MSH4: variants seen among roughly 807,000 people sequenced by gnomAD.
MSH4 encodes the protein mutS homolog 4, also known as mutS protein homolog 4.
Under a neutral mutation model 113.7 loss-of-function variants are expected in MSH4, and 106 were observed. The observed-to-expected ratio is 0.93, with a 90% CI of 0.80 to 1.10. The LOEUF (loss-of-function observed/expected upper bound fraction) is 1.10. Ranked by LOEUF, MSH4 falls within the 50% of genes least tolerant of loss-of-function variation. The pLI is 0.00. For synonymous variants in MSH4, 368 were observed against 380.2 expected (o/e 0.97, Z 0.37); for missense variants, 1,061 against 1,093.7 (o/e 0.97, Z 0.42).
At chr1:75,909,827 T>A (rs1652749866) in intron 19 of MSH4, among the ~76,000 whole-genome samples, 1 of 152,146 alleles carries the variant, frequency 6.6e-6, no homozygotes, top group African/African-American at 2.4e-5. Context: ...TTTGAGGTCA[T>A]CTTGATGAGT....
At chr1:75,838,689 G>C (rs1256416374) in intron 7 of MSH4, among the ~76,000 whole-genome samples, 1 of 152,062 alleles carries the variant, frequency 6.6e-6, no homozygotes, top group Non-Finnish European at 1.5e-5. Flanking sequence ...TAGTCTAAAT[G>C]AACTTCTTTA....
chr1:75,866,914 A>G (rs1483107759), intron 8 of MSH4, among the ~76,000 whole-genome samples: 1 of 152,208 alleles, frequency 6.6e-6, no homozygotes, highest in Non-Finnish European at 1.5e-5. Flanking sequence ...AAATTAGTCC[A>G]GGCACAGGAT....
intron 7 of MSH4, among the ~76,000 whole-genome samples, chr1:75,834,888 G>A (rs982356212): frequency 3.3e-5 from 5 of 152,146 alleles, no homozygotes; most frequent in Admixed American, 1.3e-4. Context: ...AAACCTGCAC[G>A]TTGTGCACAT....
At chr1:75,834,092 A>G (rs1200066485) in intron 7 of MSH4, among the ~76,000 whole-genome samples, 1 of 152,160 alleles carries the variant, frequency 6.6e-6, no homozygotes, top group African/African-American at 2.4e-5. Flanking sequence ...TACAAGAAAA[A>G]ATCAACCCCA....
intron 8 of MSH4, among the ~76,000 whole-genome samples, chr1:75,863,849 G>C (rs1651511279): frequency 6.6e-6 from 1 of 151,948 alleles, no homozygotes; most frequent in Admixed American, 6.6e-5. Context: ...TTTTCTTAAA[G>C]TAATGAGAAA....
intron 6 of MSH4, among the ~76,000 whole-genome samples, chr1:75,816,778 C>T (rs1557493957): frequency 6.6e-6 from 1 of 152,038 alleles, no homozygotes; most frequent in Non-Finnish European, 1.5e-5. Flanking sequence ...AGGCATGTGC[C>T]ACCATGCCTA....
rs765059092 is a variant in MSH4 at position 75,817,826 on chromosome 1, AC to A, written c.989+1287del. ...AAAAAATGTACATGTGATGGGAGACACCCCCCCTCCCCCTAGCCAGTTGATA... is the reference window on the plus strand; with the variant it reads ...AAAAAATGTACATGTGATGGGAGACACCCCCCTCCCCCTAGCCAGTTGATA... On this transcript the variant is annotated intron_variant, in intron 6 of 19. Transcript: ENST00000263187. Among the ~76,000 whole-genome samples the A allele has an allele frequency of 2.1e-3, 314 of 151,342 alleles. 1 individual carries two copies. Among genetic ancestry groups the A allele is most frequent in the Non-Finnish European group, 3.5e-3 (238 of 67,804 alleles).
chr1:75,883,469 G>A (rs567416854), intron 14 of MSH4, 152 bp from the exon 15 acceptor site: 1 of 588,140 alleles, frequency 1.7e-6, no homozygotes, highest in African/African-American at 1.9e-5. Context: ...GAAGAATTTG[G>A]GTGGGGATTT....
chr1:75,857,669 C>T (rs769317726), intron 8 of MSH4, among the ~76,000 whole-genome samples: 107 of 152,258 alleles, frequency 7.0e-4, no homozygotes, highest in Admixed American at 1.5e-3. Context: ...GTACCAGTAC[C>T]ATGCTGTTTT....
chr1:75,871,370 C>T (rs898954793), intron 9 of MSH4, among the ~76,000 whole-genome samples: 2 of 152,114 alleles, frequency 1.3e-5, no homozygotes, highest in Non-Finnish European at 2.9e-5. Context: ...CTGTATCAGA[C>T]AGACAAAATA....
intron 19 of MSH4, among the ~76,000 whole-genome samples, chr1:75,902,421 G>A (rs1251340216): frequency 1.3e-5 from 2 of 151,372 alleles, no homozygotes; most frequent in African/African-American, 4.9e-5. Context: ...TGTACCCATT[G>A]TTTAGCTCTC....
At chr1:75,847,933 G>C (rs1651108813) in intron 7 of MSH4, among the ~76,000 whole-genome samples, 1 of 152,138 alleles carries the variant, frequency 6.6e-6, no homozygotes, top group Non-Finnish European at 1.5e-5. Flanking sequence ...TAGGAATTAA[G>C]GTTTCAACAT....
intron 19 of MSH4, among the ~76,000 whole-genome samples, chr1:75,902,113 C>G (rs1557531887): frequency 1.3e-5 from 2 of 152,188 alleles, no homozygotes; most frequent in African/African-American, 2.4e-5. Context: ...TCCAGTGGAG[C>G]AATGTACTCA....
At chr1:75,810,668 T>A in intron 3 of MSH4, 29 bp from the exon 4 acceptor site, 1 of 1,055,418 alleles carries the variant, frequency 9.5e-7, no homozygotes, top group Non-Finnish European at 1.4e-6. Context: ...AAGCTTTATT[T>A]AAGAAATTGT....
In MSH4 at chr1:75,902,719, A is replaced by AC. The variant is rs1227609862; in HGVS notation, c.2619+3013_2619+3014insC. Among the ~76,000 whole-genome samples, 10 of 30,858 alleles carry AC rather than the reference A, an allele frequency of 3.2e-4. 2 individuals are homozygous for AC. The highest frequency in any genetic ancestry group is 1.4e-3 in the African/African-American group (10 of 7,088). The allele number at this position is 30,858 out of a possible 152,430, so 20.2% of individuals were successfully genotyped here. A position where few individuals can be genotyped will look rare whatever the true frequency, so the allele number is the denominator to read the frequency against. ...TATATATATATATATATATATATAT[A>AC]TATATATATATATATAGTTCTTTTA... On this transcript the variant is annotated intron_variant, in intron 19 of 19. Transcript: ENST00000263187.
At chr1:75,812,396 T>C (rs531654939) in intron 4 of MSH4, among the ~76,000 whole-genome samples, 1 of 152,124 alleles carries the variant, frequency 6.6e-6, no homozygotes, top group African/African-American at 2.4e-5. Flanking sequence ...TGAAAAATTA[T>C]TATAACAAAA....
rs915783177 is a variant in MSH4, at chr1:75,912,967, A to G, written c.*80A>G. On this transcript the variant is annotated 3_prime_UTR_variant, in exon 20 of 20. Transcript: ENST00000263187. ...TCTCCTTAGAGATAAGGAAAATAAC[A>G]TTTGCCAAATTTCATATTTTAATTG... 3 of 814,742 alleles carry G rather than the reference A, an allele frequency of 3.7e-6. No individual in the cohort carries two copies. The African/African-American group carries it at 5.4e-5, about 15-fold the overall frequency. 50.5% of individuals were successfully genotyped at this position (814,742 alleles called of 1,614,324 possible).
intron 8 of MSH4, among the ~76,000 whole-genome samples, chr1:75,859,832 C>G (rs1651412437): frequency 6.6e-6 from 1 of 152,160 alleles, no homozygotes; most frequent in Non-Finnish European, 1.5e-5. Flanking sequence ...TTTTCTGTCT[C>G]ATTGATCTGT....
intron 9 of MSH4, among the ~76,000 whole-genome samples, chr1:75,870,251 G>T (rs1373477805): frequency 6.6e-6 from 1 of 152,176 alleles, no homozygotes; most frequent in Non-Finnish European, 1.5e-5. Flanking sequence ...ATTGTATCTA[G>T]GAAGTAACTA....
Sources: allele counts gnomAD v4.1 joint callset (sites outside exome capture counted in the v4.1 genomes callset), GRCh38; gene constraint gnomAD v4.1.1; transcripts MANE v1.5; gene names NCBI Gene and HGNC (gene_info 2026-07-23, HGNC 2026-07-21).